The following CCDC3 variants were observed in gnomAD, a reference collection of about 807,000 sequenced individuals.
CCDC3 encodes coiled-coil domain containing 3, also known as coiled-coil domain-containing protein 3.
A neutral mutation model predicts 21.4 loss-of-function variants in CCDC3; 24 were observed. The observed-to-expected ratio is 1.12, with a 90% CI of 0.81 to 1.58. CCDC3 has a LOEUF of 1.58. CCDC3 is among the 40% of genes most tolerant of loss of function. CCDC3 has a pLI of 0.00. For synonymous variants in CCDC3, 186 were observed against 166.0 expected, an observed-to-expected ratio of 1.12 and a Z score of -0.93; for missense variants, 425 against 360.9, an observed-to-expected ratio of 1.18 and a Z score of -1.44.
intron 2 of CCDC3, among the ~76,000 whole-genome samples, chr10:12,958,443 T>C (rs1835128012): frequency 6.6e-6 from 1 of 152,130 alleles, no homozygotes; most frequent in African/African-American, 2.4e-5. Context: ...TTACAGGAGA[T>C]GATAGACCCC....
chr10:13,028,740 A>T (rs557032921), intron 5 of CCDC3, among the ~76,000 whole-genome samples: 1 of 152,286 alleles, frequency 6.6e-6, no homozygotes, highest in African/African-American at 2.4e-5. Flanking sequence ...ATGAGATAGA[A>T]ATATGAATAT....
At chr10:13,035,871 C>T (rs1174673261) in intron 5 of CCDC3, among the ~76,000 whole-genome samples, 1 of 151,624 alleles carries the variant, frequency 6.6e-6, no homozygotes, top group Non-Finnish European at 1.5e-5. Flanking sequence ...CCCGGCCAGG[C>T]ATGGTGGCTC....
chr10:12,907,950 G>A (rs1033208364), intron 2 of CCDC3, among the ~76,000 whole-genome samples: 3 of 152,358 alleles, frequency 2.0e-5, no homozygotes, highest in Non-Finnish European at 4.4e-5. Context: ...GCCCTGCTGA[G>A]AGTTGGAGCG....
At chr10:13,003,415 GCAAT>G (rs1323034590), upstream of CCDC3, among the ~76,000 whole-genome samples, 1 of 152,188 alleles carries the variant, frequency 6.6e-6, no homozygotes. Context: ...TCAGCTCCCA[GCAAT>G]CAGACTCCAG....
At position 13,057,909 on chromosome 10, in the gene CCDC3, G is replaced by C; in HGVS notation, c.-269-7968C>G. 1.2e-5 allele frequency: 6 copies of C among 521,634 alleles called. No homozygotes were observed. In the South Asian group the frequency reaches 1.2e-4, roughly 10 times the overall value. 32.3% of individuals were successfully genotyped at this position (521,634 alleles called of 1,614,324 possible). ...AAAAAGTTAAAACCTTCTTTCTTGG[G>C]CTTCTTTTCATAGACTGGATTCTCT... On this transcript the variant is annotated intron_variant, in intron 4 of 6. Coordinates refer to the CCDC3 transcript ENST00000378839.
intron 2 of CCDC3, among the ~76,000 whole-genome samples, chr10:12,936,359 AT>A (rs970923324): frequency 1.3e-4 from 19 of 151,722 alleles, no homozygotes; most frequent in Non-Finnish European, 5.9e-5. Context: ...TCTTTCAAGA[AT>A]TTTTTTTCTC....
chr10:13,077,262 G>A (rs949673106), intron 3 of CCDC3, among the ~76,000 whole-genome samples: 5 of 152,080 alleles, frequency 3.3e-5, no homozygotes, highest in African/African-American at 1.2e-4. Flanking sequence ...ATTCACAATT[G>A]CTTCAAATAG....
intron 2 of CCDC3, chr10:12,924,673 GTA>G (rs1834505427): frequency 6.6e-6 from 1 of 152,152 alleles, no homozygotes; most frequent in African/African-American, 2.4e-5. Context: ...TCCAACTGGA[GTA>G]TCTGTGAGGC....
chr10:12,932,957 CAT>C (rs1834672886), intron 2 of CCDC3, among the ~76,000 whole-genome samples: 2 of 152,146 alleles, frequency 1.3e-5, no homozygotes, highest in South Asian at 4.2e-4. Flanking sequence ...TGATGAATTG[CAT>C]TAATTGATTT....
chr10:13,027,373 A>T (rs1373830490), intron 5 of CCDC3, among the ~76,000 whole-genome samples: 1 of 152,188 alleles, frequency 6.6e-6, no homozygotes, highest in Non-Finnish European at 1.5e-5. Flanking sequence ...TCCCTTTAGA[A>T]ATGGTTCCCA....
chr10:12,933,454 C>CTTTTTTTT (rs545950029), intron 2 of CCDC3, among the ~76,000 whole-genome samples: 1 of 115,830 alleles, frequency 8.6e-6, no homozygotes, highest in African/African-American at 3.2e-5. Context: ...ATAATATTCC[C>CTTTTTTTT]TTTATTTTTT....
chr10:13,018,237 G>C (rs1433539359), intron 5 of CCDC3, among the ~76,000 whole-genome samples: 2 of 152,060 alleles, frequency 1.3e-5, no homozygotes, highest in South Asian at 2.1e-4. Flanking sequence ...CTGGGGACGT[G>C]GTGGAAATAT....
chr10:12,902,104 C>A (rs1588996784), intron 2 of CCDC3, among the ~76,000 whole-genome samples: 1 of 152,220 alleles, frequency 6.6e-6, no homozygotes, highest in South Asian at 2.1e-4. Flanking sequence ...AGGGCCTTGA[C>A]ATTCACAAGT....
chr10:12,939,357 G>A (rs1273237788), intron 2 of CCDC3, among the ~76,000 whole-genome samples: 3 of 152,228 alleles, frequency 2.0e-5, no homozygotes, highest in East Asian at 1.9e-4. Context: ...GAGGCTGGGT[G>A]CAGTGGCTCA....
At chr10:12,912,556 C>T (rs778710158) in intron 2 of CCDC3, among the ~76,000 whole-genome samples, 11 of 151,574 alleles carry the variant, frequency 7.3e-5, no homozygotes, top group East Asian at 1.9e-4. Flanking sequence ...TCTTCCATTT[C>T]GTAGGTGTTT....
At chr10:13,003,633 A>G (rs988996734), upstream of CCDC3, among the ~76,000 whole-genome samples, 1 of 152,170 alleles carries the variant, frequency 6.6e-6, no homozygotes, top group Non-Finnish European at 1.5e-5. Context: ...TTAGTCCTAT[A>G]CTGTAACTCA....
chr10:13,046,053 T>C (rs35937820), intron 5 of CCDC3, among the ~76,000 whole-genome samples: 5,475 of 151,864 alleles, frequency 0.036, 131 homozygotes, highest in South Asian at 0.074. Flanking sequence ...ATCGTGCCAC[T>C]GGACTCCAGC....
chr10:13,016,648 A>G (rs1836066193), intron 5 of CCDC3, among the ~76,000 whole-genome samples: 1 of 151,934 alleles, frequency 6.6e-6, no homozygotes, highest in African/African-American at 2.4e-5. Context: ...AGGGCTGGGA[A>G]TGGAACTTGG....
chr10:12,909,659 A>G (rs926757503), intron 2 of CCDC3, among the ~76,000 whole-genome samples: 6 of 152,168 alleles, frequency 3.9e-5, no homozygotes, highest in Non-Finnish European at 5.9e-5. Context: ...GGGCAAAGCA[A>G]TGAGGCTGTG....
Sources: allele counts gnomAD v4.1 joint callset (sites outside exome capture counted in the v4.1 genomes callset), GRCh38; gene constraint gnomAD v4.1.1; transcripts MANE v1.5; gene names NCBI Gene and HGNC (gene_info 2026-07-23, HGNC 2026-07-21).